PHYHIPL: variants seen among roughly 807,000 people sequenced by gnomAD.
PHYHIPL encodes phytanoyl-CoA hydroxylase-interacting protein-like.
In PHYHIPL, 9 loss-of-function variants were observed where a neutral mutation model predicts 33.4. The ratio of observed to expected loss-of-function variants is 0.27; its 90% CI spans 0.16 to 0.47. The LOEUF (loss-of-function observed/expected upper bound fraction) is 0.47, where lower values mean the gene tolerates loss of function less well. Ranked by LOEUF, PHYHIPL falls within the 20% of genes least tolerant of loss-of-function variation. The pLI is 0.99. For missense variants in PHYHIPL, 365 were observed against 460.7 expected (o/e 0.79, Z 1.90); for synonymous variants, 153 against 154.1 (o/e 0.99, Z 0.05).
Position 59,240,008 on chromosome 10 carries a change from A to G in PHYHIPL, c.596+1303A>G, listed in dbSNP as rs139932089. Among the ~76,000 whole-genome samples, 421 of 152,252 alleles carry G rather than the reference A, an allele frequency of 2.8e-3. 1 individual carries two copies. The highest frequency in any genetic ancestry group is 9.7e-3 in the African/African-American group (405 of 41,568). On this transcript the variant is annotated intron_variant, in intron 4 of 4. Coordinates refer to ENST00000373880, the MANE Select transcript of PHYHIPL (RefSeq NM_032439.4). Reference sequence around the variant, plus strand: ...GTGGAAAATGCAACAGGAATCAGAGAGAGAAGAACACACGTAGGCATCTGT... The same window carrying G: ...GTGGAAAATGCAACAGGAATCAGAGGGAGAAGAACACACGTAGGCATCTGT...
intron 1 of PHYHIPL, among the ~76,000 whole-genome samples, chr10:59,191,165 G>T (rs1838774466): frequency 2.0e-5 from 3 of 151,790 alleles, no homozygotes; most frequent in African/African-American, 7.2e-5. Context: ...AATTTACCTA[G>T]TTAAAAAACT....
intron 1 of PHYHIPL, among the ~76,000 whole-genome samples, chr10:59,195,161 T>C (rs563181580): frequency 1.3e-5 from 2 of 151,494 alleles, no homozygotes; most frequent in South Asian, 4.3e-4. Flanking sequence ...TTTATTTTGG[T>C]GCTAGAATTT....
intron 4 of PHYHIPL, among the ~76,000 whole-genome samples, chr10:59,243,096 A>C (rs569980850): frequency 1.3e-4 from 20 of 151,794 alleles, no homozygotes; most frequent in African/African-American, 4.1e-4. Flanking sequence ...CCATGCCAAG[A>C]TATATTACAA....
Position 59,236,594 on chromosome 10 carries a change from A to G in PHYHIPL, c.415A>G (p.Lys139Glu). The change falls in exon 3 of 5, where the codon AAA becomes GAA. Residue 139 changes from lysine to glutamate, a missense_variant. Lys to Glu is a moderately conservative substitution (Grantham distance 56, BLOSUM62 1). Transcript: ENST00000373880. ...TACAGTAGCAGTGCAGACTGCCTCA[A>G]AACAAGTTGATGGTGATTATGTTGT... The part of the protein sequence containing the change: ...EYTVAVQTAS[K>E]QVDGDYVVSE... 1.2e-6 allele frequency: 2 copies of G among 1,611,016 alleles called. No homozygotes were observed. The highest frequency in any genetic ancestry group is 1.7e-6 in the Non-Finnish European group (2 of 1,178,272).
At chr10:59,244,704 T>G (rs1252537583) in intron 4 of PHYHIPL, among the ~76,000 whole-genome samples, 1 of 152,106 alleles carries the variant, frequency 6.6e-6, no homozygotes, top group Non-Finnish European at 1.5e-5. Flanking sequence ...TTTAGTTCAG[T>G]TTTCTCTTCA....
chr10:59,207,382 C>T (rs1214306004), intron 1 of PHYHIPL, among the ~76,000 whole-genome samples: 1 of 152,166 alleles, frequency 6.6e-6, no homozygotes, highest in Non-Finnish European at 1.5e-5. Context: ...CCATGAGGAC[C>T]AGTGCACTCC....
At chr10:59,201,312 T>C (rs1166806594) in intron 1 of PHYHIPL, among the ~76,000 whole-genome samples, 1 of 152,212 alleles carries the variant, frequency 6.6e-6, no homozygotes, top group Admixed American at 6.5e-5. Flanking sequence ...CATTTTGTTA[T>C]GTACCCGGTA....
At chr10:59,175,480 T>A (rs1838233326), upstream of PHYHIPL, among the ~76,000 whole-genome samples, 1 of 152,170 alleles carries the variant, frequency 6.6e-6, no homozygotes, top group Non-Finnish European at 1.5e-5. Context: ...ACATTTATGT[T>A]TGAAATGGAA....
Position 59,177,256 on chromosome 10 carries a change from C to T in PHYHIPL, c.106+297C>T, listed in dbSNP as rs1838278178. 10 of 597,010 alleles carry T rather than the reference C, an allele frequency of 1.7e-5. No homozygotes were observed. The South Asian group carries it at 2.1e-4, about 12-fold the overall frequency. 37.0% of individuals were successfully genotyped at this position (597,010 alleles called of 1,614,324 possible). On this transcript the variant is annotated intron_variant, in intron 1 of 4. Transcript: ENST00000373880. ...GACGTTCCCGCTCGCGGCTCCTGCC[C>T]CGACGAGGCGTTTCCGATCTTTGCC...
At chr10:59,191,946 TA>T (rs1213344789) in intron 1 of PHYHIPL, among the ~76,000 whole-genome samples, 4 of 152,076 alleles carry the variant, frequency 2.6e-5, no homozygotes, top group Non-Finnish European at 5.9e-5. Context: ...AGTAAACTCT[TA>T]ATCTGTTTAA....
At chr10:59,185,717 AATG>A (rs1838575609) in intron 1 of PHYHIPL, among the ~76,000 whole-genome samples, 1 of 152,122 alleles carries the variant, frequency 6.6e-6, no homozygotes, top group Non-Finnish European at 1.5e-5. Flanking sequence ...GATGGCCAGT[AATG>A]ATGAGCATTT....
At chr10:59,241,290 T>A (rs1326724725) in intron 4 of PHYHIPL, among the ~76,000 whole-genome samples, 2 of 152,086 alleles carry the variant, frequency 1.3e-5, no homozygotes, top group African/African-American at 4.8e-5. Context: ...CTGGATACAC[T>A]TTCCAAAGTT....
At chr10:59,173,921 G>GTTTTTTTTTTTTTT (rs368316005), upstream of PHYHIPL, among the ~76,000 whole-genome samples, 12 of 57,558 alleles carry the variant, frequency 2.1e-4, 3 homozygotes, top group African/African-American at 5.1e-4. Context: ...TACTTCTGAG[G>GTTTTTTTTTTTTTT]TTTTTTTTTT....
At chr10:59,235,233 G>C (rs894976771) in intron 2 of PHYHIPL, among the ~76,000 whole-genome samples, 5 of 151,452 alleles carry the variant, frequency 3.3e-5, no homozygotes, top group South Asian at 2.1e-4. Context: ...TTTTAGTTTT[G>C]AGAATGAAAA....
chr10:59,176,712 C>T lies in PHYHIPL; in HGVS notation c.-142C>T, dbSNP rs1482450003. On this transcript the variant is annotated 5_prime_UTR_variant, in exon 1 of 5. Coordinates refer to ENST00000373880, the MANE Select transcript of PHYHIPL (RefSeq NM_032439.4). ...GCGGCGGCTCTCCAGCCCCGCGCCT[C>T]AGCCTCGGCGCCGCATCACCGCGTC... 1.4e-6 allele frequency: 1 copy of T among 728,794 alleles called. No individual in the cohort carries two copies. The highest frequency in any genetic ancestry group is 1.9e-5 in the South Asian group (1 of 52,802). The allele number at this position is 728,794 out of a possible 1,614,324, so 45.1% of individuals were successfully genotyped here.
chr10:59,198,202 C>A (rs532110705), intron 1 of PHYHIPL, among the ~76,000 whole-genome samples: 2 of 152,116 alleles, frequency 1.3e-5, no homozygotes, highest in Non-Finnish European at 2.9e-5. Context: ...ATCCCTCCCC[C>A]CTACCCCCAC....
chr10:59,196,946 A>G (rs1282543073), intron 1 of PHYHIPL, among the ~76,000 whole-genome samples: 1 of 152,232 alleles, frequency 6.6e-6, no homozygotes, highest in Non-Finnish European at 1.5e-5. Context: ...GTATATAGCA[A>G]TTTAGATGAA....
At chr10:59,200,611 G>A (rs1336595181) in intron 1 of PHYHIPL, among the ~76,000 whole-genome samples, 4 of 152,102 alleles carry the variant, frequency 2.6e-5, no homozygotes, top group Admixed American at 6.5e-5. Context: ...TCTACTGATC[G>A]GAATAGTTTC....
intron 1 of PHYHIPL, among the ~76,000 whole-genome samples, chr10:59,228,416 A>C (rs1270241648): frequency 2.0e-5 from 3 of 152,164 alleles, no homozygotes; most frequent in Non-Finnish European, 2.9e-5. Context: ...TAAAGCAGAG[A>C]ATAGTTTTGG....
Sources: gnomAD v4.1 joint callset for allele counts (sites outside exome capture counted in the v4.1 genomes callset) on GRCh38, gnomAD v4.1.1 for gene constraint, MANE v1.5 for transcripts, NCBI Gene and HGNC (gene_info 2026-07-23, HGNC 2026-07-21) for gene names.